CAMTA1: variants seen among roughly 807,000 people sequenced by gnomAD.
CAMTA1 encodes the protein calmodulin binding transcription activator 1, also known as calmodulin-binding transcription activator 1.
In CAMTA1, 27 loss-of-function variants were observed where a neutral mutation model predicts 170.9. That is an observed-to-expected ratio of 0.16 (90% CI 0.12 to 0.22). The LOEUF (loss-of-function observed/expected upper bound fraction) is 0.22. Ranked by LOEUF, CAMTA1 falls within the 10% of genes least tolerant of loss-of-function variation. CAMTA1 has a pLI of 1.00. For synonymous variants in CAMTA1, 833 were observed against 891.5 expected (o/e 0.93, Z 1.17); for missense variants, 1,619 against 2,217.2 (o/e 0.73, Z 5.42).
At chr1:7,085,278 C>T (rs888028022) in intron 3 of CAMTA1, among the ~76,000 whole-genome samples, 1 of 152,210 alleles carries the variant, frequency 6.6e-6, no homozygotes, top group Non-Finnish European at 1.5e-5. Context: ...TGACCTCTCA[C>T]GTAGGGCCCG....
chr1:6,866,522 G>T (rs913471884), intron 3 of CAMTA1, among the ~76,000 whole-genome samples: 2 of 152,182 alleles, frequency 1.3e-5, no homozygotes, highest in African/African-American at 4.8e-5. Flanking sequence ...TTTGTGTTTG[G>T]GAGGAATTTG....
intron 3 of CAMTA1, among the ~76,000 whole-genome samples, chr1:6,831,084 CTGGGATT>C (rs1389488566): frequency 1.3e-5 from 2 of 152,126 alleles, no homozygotes; most frequent in Admixed American, 6.5e-5. Flanking sequence ...TCCCAAAGTG[CTGGGATT>C]ACGGACGTGA....
At chr1:7,292,344 G>A (rs963690342) in intron 5 of CAMTA1, among the ~76,000 whole-genome samples, 1 of 152,120 alleles carries the variant, frequency 6.6e-6, no homozygotes, top group Non-Finnish European at 1.5e-5. Context: ...AGCAGGCAGA[G>A]CCAATATTCT....
At chr1:7,207,981 A>G (rs993819992) in intron 4 of CAMTA1, among the ~76,000 whole-genome samples, 1 of 152,242 alleles carries the variant, frequency 6.6e-6, no homozygotes, top group Non-Finnish European at 1.5e-5. Context: ...AGAAGTTTCC[A>G]TGCTCAATAA....
At chr1:7,477,908 C>T (rs1207705646) in intron 6 of CAMTA1, among the ~76,000 whole-genome samples, 1 of 152,242 alleles carries the variant, frequency 6.6e-6, no homozygotes, top group African/African-American at 2.4e-5. Flanking sequence ...AGTCTTCCTC[C>T]TGGCCACCTA....
chr1:7,581,037 G>A (rs1046275976), intron 6 of CAMTA1, among the ~76,000 whole-genome samples: 2 of 152,222 alleles, frequency 1.3e-5, no homozygotes, highest in African/African-American at 2.4e-5. Flanking sequence ...TTGATAACTC[G>A]GTGCCAGGGG....
At chr1:7,278,791 G>A (rs1005420180) in intron 5 of CAMTA1, among the ~76,000 whole-genome samples, 1 of 152,172 alleles carries the variant, frequency 6.6e-6, no homozygotes, top group East Asian at 1.9e-4. Context: ...TGGCCCTCAC[G>A]TAGCTTCCAG....
At chr1:7,649,005 C>T (rs1001986588) in intron 7 of CAMTA1, among the ~76,000 whole-genome samples, 5 of 152,226 alleles carry the variant, frequency 3.3e-5, no homozygotes, top group South Asian at 2.1e-4. Context: ...GGAGGCCACA[C>T]GGAGCTTAGT....
In CAMTA1 at chr1:7,203,416, A is replaced by G. The variant is rs958190784; in HGVS notation, c.303-46075A>G. 2.6e-5 allele frequency among the ~76,000 whole-genome samples: 4 copies of G among 151,840 alleles called. No individual in the cohort carries two copies. The East Asian group carries it at 7.7e-4, about 29-fold the overall frequency. On this transcript the variant is annotated intron_variant, in intron 4 of 22. Transcript: ENST00000303635. The stretch of plus-strand genomic sequence containing the variant: ...TTTGAAAGAGTTTGTGAAGAATCAC[A>G]TTCATTATTATTTACATATTTGGTA...
Position 6,858,875 on chromosome 1 carries a change from CCATT to C in CAMTA1, c.234+33668_234+33671del, listed in dbSNP as rs1663529141. On this transcript the variant is annotated intron_variant, in intron 3 of 22. Transcript: ENST00000303635. ...AAAAAATAATATGGATGTTTTAAGA[CCATT>C]CAGTCATAACTGGAAGCTGCCTTAT... 2.0e-5 allele frequency among the ~76,000 whole-genome samples: 3 copies of C among 152,110 alleles called. No individual in the cohort carries two copies. The South Asian group carries it at 6.2e-4, about 31-fold the overall frequency.
At chr1:7,085,193 C>T (rs1366248721) in intron 3 of CAMTA1, among the ~76,000 whole-genome samples, 1 of 152,178 alleles carries the variant, frequency 6.6e-6, no homozygotes, top group East Asian at 1.9e-4. Flanking sequence ...TTCCATTGGA[C>T]AGTGCAACTC....
intron 6 of CAMTA1, among the ~76,000 whole-genome samples, chr1:7,540,326 G>T (rs1364774386): frequency 1.3e-5 from 2 of 152,228 alleles, no homozygotes; most frequent in Non-Finnish European, 2.9e-5. Context: ...TGGAGTACGG[G>T]CAGGGTTTAG....
intron 22 of CAMTA1, among the ~76,000 whole-genome samples, chr1:7,765,883 C>T (rs967670552): frequency 6.6e-6 from 1 of 151,738 alleles, no homozygotes; most frequent in Admixed American, 6.6e-5. Context: ...GAAAATTAGC[C>T]GGGTGTGGTG....
Position 6,962,119 on chromosome 1 carries a change from T to A in CAMTA1, c.235-129185T>A, listed in dbSNP as rs926733951. On this transcript the variant is annotated intron_variant, in intron 3 of 22. Transcript: ENST00000303635. ...CTGCTTTGGGCCTCACGCCTCTGTC[T>A]CATGCCTCTGCCGGGGCCCCGATTT... 9.5e-4 allele frequency among the ~76,000 whole-genome samples: 144 copies of A among 152,176 alleles called. 2 individuals are homozygous for A. The highest frequency in any genetic ancestry group is 3.1e-4 in the Non-Finnish European group (21 of 68,022).
At position 7,002,787 on chromosome 1, in the gene CAMTA1, C is replaced by T. The variant is rs191534860; in HGVS notation, c.235-88517C>T. 1.9e-3 allele frequency among the ~76,000 whole-genome samples: 288 copies of T among 152,252 alleles called. 1 individual carries two copies. Among genetic ancestry groups the T allele is most frequent in the African/African-American group, 6.5e-3 (272 of 41,548 alleles). ...CCTTGCTGAAATCCAGAGGCACTGC[C>T]GTCTATGGAAATGCAGGTTCTATCA... is the stretch of plus-strand genomic sequence containing the variant. On this transcript the variant is annotated intron_variant, in intron 3 of 22. Coordinates refer to ENST00000303635, the MANE Select transcript of CAMTA1 (RefSeq NM_015215.4).
chr1:7,050,840 C>T lies in CAMTA1; in HGVS notation c.235-40464C>T, dbSNP rs1303255923. Among the ~76,000 whole-genome samples, 2 of 152,102 alleles carry T rather than the reference C, an allele frequency of 1.3e-5. No individual in the cohort carries two copies. The highest frequency in any genetic ancestry group is 2.9e-5 in the Non-Finnish European group (2 of 68,010). The stretch of plus-strand genomic sequence containing the variant: ...GGACTCTGGGAAGGAGAAATGGGAA[C>T]ATCACACTGGGGTATTTATGGGAGC... On this transcript the variant is annotated intron_variant, in intron 3 of 22. Transcript: ENST00000303635. The surrounding 1 kb of genome is among the most constrained non-coding windows in gnomAD (Gnocchi z 4.8).
chr1:6,951,177 C>T (rs868730561), intron 3 of CAMTA1, among the ~76,000 whole-genome samples: 8 of 152,098 alleles, frequency 5.3e-5, no homozygotes, highest in South Asian at 2.1e-4. Flanking sequence ...GGTCCAGTGG[C>T]GAAAAGGATA....
chr1:7,344,869 C>T (rs946951578), intron 5 of CAMTA1, among the ~76,000 whole-genome samples: 31 of 151,930 alleles, frequency 2.0e-4, no homozygotes, highest in African/African-American at 6.8e-4. Flanking sequence ...TACTCAGCCT[C>T]CCCAGTAGCT....
At chr1:7,637,451 G>A (rs1200389044) in intron 6 of CAMTA1, among the ~76,000 whole-genome samples, 3 of 152,194 alleles carry the variant, frequency 2.0e-5, no homozygotes, top group East Asian at 3.9e-4. Flanking sequence ...CAGCCCAGAC[G>A]CGGTCCCTGG....
Sources: allele counts gnomAD v4.1 joint callset (sites outside exome capture counted in the v4.1 genomes callset), GRCh38; gene constraint gnomAD v4.1.1; non-coding constraint Gnocchi (gnomAD v3.1); transcripts MANE v1.5; gene names NCBI Gene and HGNC (gene_info 2026-07-23, HGNC 2026-07-21).